FAM53A: variants seen among roughly 807,000 people sequenced by gnomAD.
FAM53A encodes the protein family with sequence similarity 53 member A.
A neutral mutation model predicts 26.6 loss-of-function variants in FAM53A; 28 were observed. That is an observed-to-expected ratio of 1.05 (90% CI 0.78 to 1.45). FAM53A has a LOEUF of 1.45. FAM53A is among the 40% of genes most tolerant of loss of function. The pLI is 0.00. For synonymous variants in FAM53A, 290 were observed against 253.1 expected (o/e 1.15, Z -1.38); for missense variants, 650 against 575.8 (o/e 1.13, Z -1.32).
chr4:1,643,236 G>A (rs1024261003), intron 4 of FAM53A, among the ~76,000 whole-genome samples: 5 of 152,162 alleles, frequency 3.3e-5, no homozygotes, highest in East Asian at 1.9e-4. Flanking sequence ...GGAGGCCGGG[G>A]CGGGCGGATC....
intron 2 of FAM53A, among the ~76,000 whole-genome samples, chr4:1,668,035 A>G (rs1422224434): frequency 1.3e-5 from 2 of 152,182 alleles, no homozygotes. Context: ...GGCGGGGTGC[A>G]GTCTGCTGCT....
At chr4:1,680,777 A>C (rs1437522158) in intron 1 of FAM53A, among the ~76,000 whole-genome samples, 1 of 151,172 alleles carries the variant, frequency 6.6e-6, no homozygotes, top group Non-Finnish European at 1.5e-5. Flanking sequence ...TTAACTGTGG[A>C]GACTATTTAA....
chr4:1,653,106 C>T (rs1241110865), intron 4 of FAM53A, among the ~76,000 whole-genome samples: 1 of 151,820 alleles, frequency 6.6e-6, no homozygotes, highest in African/African-American at 2.4e-5. Context: ...ACACAGAGCA[C>T]ACACTACACA....
chr4:1,604,957 C>T, the FAM53A span, among the ~76,000 whole-genome samples: 13 of 152,070 alleles, frequency 8.5e-5, no homozygotes, highest in African/African-American at 2.4e-5. Flanking sequence ...TCAACACGCA[C>T]GTGGGGCCTC....
chr4:1,605,396 C>A, the FAM53A span, among the ~76,000 whole-genome samples: 1 of 152,130 alleles, frequency 6.6e-6, no homozygotes, highest in African/African-American at 2.4e-5. The surrounding 1 kb of genome is among the most constrained non-coding windows in gnomAD (Gnocchi z 5.7). Flanking sequence ...TGCCGGTGAC[C>A]CAGCCTGGAG....
intron 1 of FAM53A, among the ~76,000 whole-genome samples, chr4:1,626,440 G>T (rs1394152855): frequency 2.5e-4 from 38 of 152,338 alleles, no homozygotes; most frequent in Non-Finnish European, 2.9e-5. Flanking sequence ...ACCCAGCGGG[G>T]AAGTCGGGGA....
At chr4:1,594,237 G>A in the FAM53A span, among the ~76,000 whole-genome samples, 8 of 152,226 alleles carry the variant, frequency 5.3e-5, no homozygotes, top group African/African-American at 1.2e-4. Flanking sequence ...AGGACGGACA[G>A]ATAAACCGAT....
intron 2 of FAM53A, among the ~76,000 whole-genome samples, chr4:1,665,834 G>A (rs369887969): frequency 2.0e-5 from 3 of 152,118 alleles, no homozygotes; most frequent in East Asian, 1.9e-4. Flanking sequence ...AGAATGGGAG[G>A]GAGGGAGGAG....
Position 1,681,413 on chromosome 4 carries a change from G to C in FAM53A, c.-165+2820C>G, listed in dbSNP as rs576494465. Among the ~76,000 whole-genome samples, 129 of 152,266 alleles carry C rather than the reference G, an allele frequency of 8.5e-4. 2 individuals carry two copies. The highest frequency in any genetic ancestry group is 1.2e-3 in the Admixed American group (18 of 15,284). On this transcript the variant is annotated intron_variant, in intron 1 of 4. Transcript: ENST00000308132. Reference sequence around the variant, plus strand: ...GTGTCTCAGCCTCCCAAAGTGCTGGGATTACAGGTGTGAGCCACCACGCCC... The same window carrying C: ...GTGTCTCAGCCTCCCAAAGTGCTGGCATTACAGGTGTGAGCCACCACGCCC...
chr4:1,678,763 A>G (rs1344054080), intron 1 of FAM53A, among the ~76,000 whole-genome samples: 1 of 152,004 alleles, frequency 6.6e-6, no homozygotes, highest in African/African-American at 2.4e-5. Flanking sequence ...CAAAGGTTGC[A>G]ATGAGCTGAG....
the FAM53A span, among the ~76,000 whole-genome samples, chr4:1,604,248 A>C: frequency 6.6e-6 from 1 of 152,308 alleles, no homozygotes; most frequent in Admixed American, 6.5e-5. Flanking sequence ...GCACCCACCC[A>C]GGGCTGCCCA....
intron 1 of FAM53A, among the ~76,000 whole-genome samples, chr4:1,627,219 C>T (rs1271818137): frequency 2.0e-5 from 3 of 152,186 alleles, no homozygotes; most frequent in Non-Finnish European, 4.4e-5. Context: ...AGGGCCCAGC[C>T]CAGCAGGAGA....
chr4:1,617,221 C>A (rs1714843365), downstream of FAM53A, among the ~76,000 whole-genome samples: 1 of 152,130 alleles, frequency 6.6e-6, no homozygotes. Context: ...TGCTCAGTCT[C>A]CATTTTAACT....
intron 1 of FAM53A, among the ~76,000 whole-genome samples, chr4:1,683,108 G>C (rs1276466148): frequency 6.6e-6 from 1 of 152,204 alleles, no homozygotes; most frequent in East Asian, 1.9e-4. Flanking sequence ...CGCCGGACGA[G>C]GGAAAACTAC....
chr4:1,684,815 C>T (rs1362569244), upstream of FAM53A, among the ~76,000 whole-genome samples: 2 of 152,232 alleles, frequency 1.3e-5, no homozygotes, highest in South Asian at 2.1e-4. Flanking sequence ...TGCACCTGCA[C>T]AGTGTGAATT....
intron 4 of FAM53A, among the ~76,000 whole-genome samples, chr4:1,650,099 G>C (rs888282100): frequency 2.1e-5 from 3 of 140,550 alleles, no homozygotes; most frequent in African/African-American, 8.1e-5. Context: ...CACAGGCGTG[G>C]CGTTTGACTG....
the FAM53A span, among the ~76,000 whole-genome samples, chr4:1,602,073 G>A: frequency 1.3e-5 from 2 of 152,080 alleles, no homozygotes; most frequent in South Asian, 2.1e-4. Context: ...TCACCTTGGC[G>A]TGCCAGGGCA....
At chr4:1,575,112 C>CA in the FAM53A span, among the ~76,000 whole-genome samples, 2 of 152,190 alleles carry the variant, frequency 1.3e-5, no homozygotes, top group Non-Finnish European at 2.9e-5. Context: ...CCTGAGTGCC[C>CA]ACTGCCTGCC....
chr4:1,585,296 T>C, the FAM53A span, among the ~76,000 whole-genome samples: 3 of 63,084 alleles, frequency 4.8e-5, no homozygotes, highest in South Asian at 1.8e-3. Flanking sequence ...TTTTTTTTTT[T>C]TTTGGAGACA....
Sources: gnomAD v4.1 joint callset for allele counts (sites outside exome capture counted in the v4.1 genomes callset) on GRCh38, gnomAD v4.1.1 for gene constraint, Gnocchi (gnomAD v3.1) non-coding constraint, MANE v1.5 for transcripts, NCBI Gene and HGNC (gene_info 2026-07-23, HGNC 2026-07-21) for gene names.